Variants in ARID3C observed in about 807,000 individuals in gnomAD.
ARID3C encodes the protein AT-rich interactive domain-containing protein 3C.
In ARID3C, 42 loss-of-function variants were observed where a neutral mutation model predicts 37.9. The observed-to-expected ratio is 1.11, with a 90% CI of 0.87 to 1.43. The LOEUF (loss-of-function observed/expected upper bound fraction) is 1.43. ARID3C is among the 40% of genes most tolerant of loss of function. The pLI is 0.00. For synonymous variants in ARID3C, 213 were observed against 228.0 expected (o/e 0.93, Z 0.59); for missense variants, 581 against 548.8 (o/e 1.06, Z -0.59).
chr9:34,622,239 T>C, intron 5 of ARID3C, 108 bp downstream of exon 6: 1 of 1,568,952 alleles, frequency 6.4e-7, no homozygotes, highest in Non-Finnish European at 8.7e-7. Context: ...CTCACACAGT[T>C]GTCTACAGAG....
chr9:34,623,857 G>A lies in ARID3C; in HGVS notation c.575+7C>T. On this transcript the variant is annotated splice_region_variant and intron_variant, in intron 3 of 6. Coordinates refer to ENST00000378909, the Ensembl canonical transcript of ARID3C. ...CCCTTCCCTTCCGCTCCCGCCCCTG[G>A]CCTCACTGGGTGCGTAGAGTGAAGG... The A allele has an allele frequency of 6.3e-7, 1 of 1,587,284 alleles. No homozygotes were observed. The highest frequency in any genetic ancestry group is 1.3e-5 in the African/African-American group (1 of 74,754).
At chr9:34,621,868 C>T in intron 6 of ARID3C, 152 bp downstream of exon 7, 4 of 790,056 alleles carry the variant, frequency 5.1e-6, no homozygotes, top group African/African-American at 1.7e-5. Context: ...CCCCTTTAAC[C>T]CATGCCAGTC....
chr9:34,623,411 T>A lies in ARID3C; in HGVS notation c.865+14A>T, dbSNP rs750197167. On this transcript the variant is annotated intron_variant, in intron 4 of 6. Transcript: ENST00000378909. ...CTCAGAGACCCCGAAACCTCTACCA[T>A]TCTCCCCTCGCACCTTTCTTAATAG... The A allele has an allele frequency of 1.3e-6, 2 of 1,485,452 alleles. No homozygotes were observed. The highest frequency in any genetic ancestry group is 4.8e-5 in the East Asian group (2 of 41,362). 92.0% of individuals were successfully genotyped at this position (1,485,452 alleles called of 1,614,324 possible).
intron 1 of ARID3C, among the ~76,000 whole-genome samples, chr9:34,626,512 C>G (rs965506679): frequency 6.6e-6 from 1 of 152,128 alleles, no homozygotes; most frequent in African/African-American, 2.4e-5. Context: ...TGGAGTCCCA[C>G]CTCCTGCATC....
At chr9:34,625,627 G>T in intron 2 of ARID3C, 115 bp downstream of exon 3, 2 of 1,105,094 alleles carry the variant, frequency 1.8e-6, no homozygotes, top group South Asian at 2.8e-5. Flanking sequence ...GCTATCGAGG[G>T]CCCAAAGGAC....
chr9:34,626,151 C>A lies in ARID3C; in HGVS notation c.319-337G>T, dbSNP rs562687414. Among the ~76,000 whole-genome samples, 292 of 152,284 alleles carry A rather than the reference C, an allele frequency of 1.9e-3. 2 individuals carry two copies. Among genetic ancestry groups the A allele is most frequent in the African/African-American group, 6.6e-3 (276 of 41,540 alleles). On this transcript the variant is annotated intron_variant, in intron 1 of 6. Transcript: ENST00000378909. ...CCACCCTCATGGGAAATTTAGAGCC[C>A]CAGGAAGGAAGCTAGGCTGGGGTTG...
intron 3 of ARID3C, 25 bp from the exon 5 acceptor site, chr9:34,623,739 G>A: frequency 6.6e-7 from 1 of 1,513,542 alleles, no homozygotes; most frequent in Non-Finnish European, 8.8e-7. Context: ...CGGGCGGTGA[G>A]TGTATGGGAG....
intron 2 of ARID3C, among the ~76,000 whole-genome samples, chr9:34,624,294 A>G (rs560745388): frequency 6.6e-6 from 1 of 152,392 alleles, no homozygotes; most frequent in African/African-American, 2.4e-5. Flanking sequence ...CTGTCATTGT[A>G]GCCTAAAGGC....
upstream of ARID3C, among the ~76,000 whole-genome samples, chr9:34,632,743 G>A (rs1177420888): frequency 6.6e-6 from 1 of 152,166 alleles, no homozygotes; most frequent in East Asian, 1.9e-4. Context: ...GTAAATGGAG[G>A]TGCCCTTAAT....
chr9:34,625,594 G>C, intron 2 of ARID3C, 148 bp downstream of exon 3: 1 of 724,914 alleles, frequency 1.4e-6, no homozygotes, highest in Non-Finnish European at 2.2e-6. Context: ...TGGAGGAGGG[G>C]GACAGGGTCA....
upstream of ARID3C, among the ~76,000 whole-genome samples, chr9:34,631,278 G>A (rs1475125390): frequency 6.6e-6 from 1 of 152,192 alleles, no homozygotes; most frequent in Non-Finnish European, 1.5e-5. Flanking sequence ...CACTCCCCCA[G>A]CTCCCAAATC....
intron 3 of ARID3C, 68 bp downstream of exon 4, chr9:34,623,796 A>AC: frequency 6.2e-6 from 7 of 1,134,810 alleles, no homozygotes; most frequent in Non-Finnish European, 8.8e-6. Flanking sequence ...CCGCCCGGGG[A>AC]CCCTCCCCCC....
chr9:34,624,212 G>T (rs1288032395), intron 2 of ARID3C, among the ~76,000 whole-genome samples, 165 bp from the exon 4 acceptor site: 2 of 132,562 alleles, frequency 1.5e-5, no homozygotes, highest in Non-Finnish European at 3.3e-5. Context: ...AGGACAGGAG[G>T]CTAGAACGGG....
At chr9:34,629,007 C>T (rs896525929), upstream of ARID3C, among the ~76,000 whole-genome samples, 6 of 151,930 alleles carry the variant, frequency 3.9e-5, no homozygotes, top group Non-Finnish European at 8.8e-5. Context: ...GGCTGGGTCC[C>T]GGCGGTGCGC....
intron 1 of ARID3C, among the ~76,000 whole-genome samples, chr9:34,627,008 C>T (rs911247133): frequency 1.3e-5 from 2 of 152,166 alleles, no homozygotes; most frequent in African/African-American, 4.8e-5. Context: ...GGAGAAAGAA[C>T]CTCAGATTAA....
upstream of ARID3C, chr9:34,628,145 G>A: frequency 8.0e-7 from 1 of 1,256,116 alleles, no homozygotes; most frequent in South Asian, 1.7e-5. This position sits in a 1 kb window ranked among gnomAD's most constrained non-coding sequence, Gnocchi z 5.2. Context: ...CCCCAACACA[G>A]GGGGAGGTGG....
rs974256657 is a variant in ARID3C, at chr9:34,623,725, A to C, written c.576-11T>G. 3.3e-6 allele frequency: 5 copies of C among 1,518,964 alleles called. No individual in the cohort carries two copies. In the African/African-American group the frequency reaches 6.9e-5, roughly 21 times the overall value. The allele number at this position is 1,518,964 out of a possible 1,614,324, so 94.1% of individuals were successfully genotyped here. A position where few individuals can be genotyped will look rare whatever the true frequency, so the allele number is the denominator to read the frequency against. On this transcript the variant is annotated splice_polypyrimidine_tract_variant and intron_variant, in intron 3 of 6. Coordinates refer to ENST00000378909, the Ensembl canonical transcript of ARID3C. ...AGGTACTTCATGTACCTAGGGGCGG[A>C]CAGCGGGCGGTGAGTGTATGGGAGG...
exon 4 of ARID3C, chr9:34,623,511 T>A: frequency 6.4e-7 from 1 of 1,561,656 alleles, no homozygotes; most frequent in East Asian, 2.3e-5. Flanking sequence ...AGGGCTGGAC[T>A]GGGTCGCCGG....
upstream of ARID3C, among the ~76,000 whole-genome samples, chr9:34,628,261 G>A (rs1820686200): frequency 6.6e-6 from 1 of 152,232 alleles, no homozygotes; most frequent in Admixed American, 6.5e-5. The surrounding 1 kb of genome is among the most constrained non-coding windows in gnomAD (Gnocchi z 5.2). Flanking sequence ...AATGGCCATT[G>A]ACTGAGGACT....
Sources: gnomAD v4.1 joint callset for allele counts (sites outside exome capture counted in the v4.1 genomes callset) on GRCh38, gnomAD v4.1.1 for gene constraint, Gnocchi (gnomAD v3.1) non-coding constraint, MANE v1.5 for transcripts, NCBI Gene and HGNC (gene_info 2026-07-23, HGNC 2026-07-21) for gene names.